The following CELF2 variants were observed in gnomAD, a reference collection of about 807,000 sequenced individuals.
The protein encoded by CELF2 is CUGBP Elav-like family member 2.
Under a neutral mutation model 62.6 loss-of-function variants are expected in CELF2, and 8 were observed. The ratio of observed to expected loss-of-function variants is 0.13; its 90% CI spans 0.07 to 0.23. CELF2 has a LOEUF of 0.23. Ranked by LOEUF, CELF2 falls within the 10% of genes least tolerant of loss-of-function variation. The pLI is 1.00. For missense variants in CELF2, 333 were observed against 671.0 expected (o/e 0.50, Z 5.56); for synonymous variants, 258 against 250.0 (o/e 1.03, Z -0.30).
intron 2 of CELF2, chr10:11,171,238 G>T (rs574835776): frequency 6.6e-6 from 1 of 152,312 alleles, no homozygotes; most frequent in East Asian, 1.9e-4. Context: ...TTGTATTCAT[G>T]GCTTCTTTGG....
chr10:10,958,664 C>A (rs543283065), intron 2 of CELF2, among the ~76,000 whole-genome samples: 1 of 151,920 alleles, frequency 6.6e-6, no homozygotes, highest in Admixed American at 6.6e-5. Flanking sequence ...GGCAACAGAA[C>A]AAGACTCATC....
chr10:10,893,161 G>A (rs1306545800), intron 1 of CELF2, among the ~76,000 whole-genome samples: 1 of 152,164 alleles, frequency 6.6e-6, no homozygotes, highest in Non-Finnish European at 1.5e-5. Flanking sequence ...ATCCCAATGA[G>A]GGCAGTCAAT....
chr10:11,288,008 G>T (rs1220282198), intron 8 of CELF2, among the ~76,000 whole-genome samples: 5 of 152,208 alleles, frequency 3.3e-5, no homozygotes, highest in Non-Finnish European at 7.4e-5. Context: ...CCATGTCTTG[G>T]CAGCTATGTC....
At position 11,079,741 on chromosome 10, in the gene CELF2, G is replaced by GCCC. The variant is rs11333486; in HGVS notation, c.74+61587_74+61589dup. Among the ~76,000 whole-genome samples, 287 of 110,688 alleles carry GCCC rather than the reference G, an allele frequency of 2.6e-3. 4 individuals are homozygous for GCCC. Among genetic ancestry groups the GCCC allele is most frequent in the African/African-American group, 3.8e-3 (97 of 25,350 alleles). The allele number at this position is 110,688 out of a possible 152,430, so 72.6% of individuals were successfully genotyped here. ...AGCAGTGTGAGAATGGACTAATACAGCCCCCCCCCCCTTTTTAGGCCATGG... is the reference window on the plus strand; with the variant it reads ...AGCAGTGTGAGAATGGACTAATACAGCCCCCCCCCCCCCCTTTTTAGGCCATGG... On this transcript the variant is annotated intron_variant, in intron 1 of 12. Transcript: ENST00000633077.
chr10:10,577,990 T>A, the CELF2 span, among the ~76,000 whole-genome samples: 1 of 152,202 alleles, frequency 6.6e-6, no homozygotes, highest in Admixed American at 6.5e-5. Context: ...TGTAAAAGTG[T>A]TCCTGTTTCT....
chr10:10,934,408 C>T lies in CELF2; in HGVS notation c.89+14409C>T, dbSNP rs576504948. 1 of 152,286 alleles carries T rather than the reference C, an allele frequency of 6.6e-6. No individual in the cohort carries two copies. Among genetic ancestry groups the T allele is most frequent in the South Asian group, 2.1e-4 (1 of 4,826 alleles). 9.4% of individuals were successfully genotyped at this position (152,286 alleles called of 1,614,324 possible). A position where few individuals can be genotyped will look rare whatever the true frequency, so the allele number is the denominator to read the frequency against. The stretch of plus-strand genomic sequence containing the variant: ...GATGCTCAAATATGCATCAAATGAA[C>T]TCATGAGTAAATGGGAGCTAAGAAT... On this transcript the variant is annotated intron_variant, in intron 2 of 13. Transcript: ENST00000636488. The surrounding 1 kb of genome is among the most constrained non-coding windows in gnomAD (Gnocchi z 4.4).
At chr10:11,206,904 A>G (rs2060561254) in intron 2 of CELF2, among the ~76,000 whole-genome samples, 1 of 152,164 alleles carries the variant, frequency 6.6e-6, no homozygotes, top group Non-Finnish European at 1.5e-5. Context: ...ACGTCACCCT[A>G]CCTTTCTGAT....
At chr10:11,113,065 C>T (rs1747710) in intron 1 of CELF2, among the ~76,000 whole-genome samples, 1 of 152,032 alleles carries the variant, frequency 6.6e-6, no homozygotes. Flanking sequence ...CTGACTTCAG[C>T]AACACTGGGT....
intron 9 of CELF2, among the ~76,000 whole-genome samples, chr10:11,303,315 C>T (rs1049257007): frequency 6.6e-6 from 1 of 152,176 alleles, no homozygotes; most frequent in African/African-American, 2.4e-5. Context: ...CTTCTCGGGA[C>T]GCTCTCAAAA....
the CELF2 span, among the ~76,000 whole-genome samples, chr10:10,591,723 G>T: frequency 6.6e-6 from 1 of 152,154 alleles, no homozygotes; most frequent in African/African-American, 2.4e-5. Flanking sequence ...TTCCATGAAT[G>T]GGAATCTGTG....
At chr10:10,709,941 C>T in the CELF2 span, among the ~76,000 whole-genome samples, 1 of 152,228 alleles carries the variant, frequency 6.6e-6, no homozygotes, top group Non-Finnish European at 1.5e-5. Context: ...GAAGGGGGAG[C>T]TTTCTTCCCC....
At chr10:10,688,421 A>T in the CELF2 span, among the ~76,000 whole-genome samples, 1 of 152,202 alleles carries the variant, frequency 6.6e-6, no homozygotes, top group Non-Finnish European at 1.5e-5. Context: ...ACTGCCTTCC[A>T]GTGCTGCCCA....
At chr10:10,488,248 G>A in the CELF2 span, among the ~76,000 whole-genome samples, 11 of 152,014 alleles carry the variant, frequency 7.2e-5, no homozygotes, top group East Asian at 5.8e-4. Flanking sequence ...TCAATATAGC[G>A]ATGAAAACAA....
At chr10:10,889,461 T>C (rs770833769) in intron 1 of CELF2, among the ~76,000 whole-genome samples, 8 of 152,324 alleles carry the variant, frequency 5.3e-5, no homozygotes, top group Non-Finnish European at 1.2e-4. Context: ...TGAGCAAGTA[T>C]ATATTATTGT....
At chr10:11,272,816 T>C (rs1280886551) in intron 7 of CELF2, among the ~76,000 whole-genome samples, 1 of 152,206 alleles carries the variant, frequency 6.6e-6, no homozygotes, top group Admixed American at 6.5e-5. Context: ...ATGGCAATAA[T>C]CCTGGGTGGT....
the CELF2 span, among the ~76,000 whole-genome samples, chr10:10,568,907 C>A: frequency 1.3e-5 from 2 of 152,082 alleles, no homozygotes; most frequent in African/African-American, 4.8e-5. Context: ...GAACTACACT[C>A]AATTTAAAGA....
chr10:10,700,856 G>A, the CELF2 span, among the ~76,000 whole-genome samples: 3 of 152,284 alleles, frequency 2.0e-5, no homozygotes, highest in East Asian at 5.8e-4. Flanking sequence ...TTGTTCATCA[G>A]CCTGGTGTCA....
chr10:10,744,782 T>C, the CELF2 span, among the ~76,000 whole-genome samples: 1 of 152,062 alleles, frequency 6.6e-6, no homozygotes, highest in South Asian at 2.1e-4. Context: ...TGTTTTACCC[T>C]CAGACTCTGA....
the CELF2 span, among the ~76,000 whole-genome samples, chr10:10,589,486 C>G: frequency 6.6e-6 from 1 of 152,210 alleles, no homozygotes; most frequent in Non-Finnish European, 1.5e-5. Context: ...GAGGAGACAT[C>G]CATTCAGATG....
Sources: allele counts gnomAD v4.1 joint callset (sites outside exome capture counted in the v4.1 genomes callset), GRCh38; gene constraint gnomAD v4.1.1; non-coding constraint Gnocchi (gnomAD v3.1); transcripts MANE v1.5; gene names NCBI Gene and HGNC (gene_info 2026-07-23, HGNC 2026-07-21).